COPS3: variants seen among roughly 807,000 people sequenced by gnomAD.
COPS3 encodes COP9 signalosome subunit 3.
COPS3 carries 10 observed loss-of-function variants against 58.2 expected under a neutral mutation model. The observed-to-expected ratio is 0.17, with a 90% CI of 0.11 to 0.29. The LOEUF (loss-of-function observed/expected upper bound fraction) is 0.29. Among genes scored for constraint, COPS3 ranks in the 10% least tolerant of loss-of-function variants. COPS3 has a pLI of 1.00. For missense variants in COPS3, 333 were observed against 510.1 expected (o/e 0.65, Z 3.34); for synonymous variants, 187 against 181.7 (o/e 1.03, Z -0.24).
chr17:17,255,064 G>A, intron 8 of COPS3, 119 bp from the exon 9 acceptor site: 1 of 632,366 alleles, frequency 1.6e-6, no homozygotes, highest in Non-Finnish European at 2.8e-6. Flanking sequence ...CACTTTGGGA[G>A]GCTGAGGTGG....
chr17:17,275,452 C>G (rs934962264), intron 2 of COPS3, among the ~76,000 whole-genome samples: 1 of 152,020 alleles, frequency 6.6e-6, no homozygotes, highest in African/African-American at 2.4e-5. Flanking sequence ...TACAGTGGCG[C>G]GACCTTGGCT....
At chr17:17,279,463 T>C (rs1332022444) in intron 1 of COPS3, among the ~76,000 whole-genome samples, 1 of 152,200 alleles carries the variant, frequency 6.6e-6, no homozygotes, top group African/African-American at 2.4e-5. Context: ...CAGTGGTTCC[T>C]TTATTCATAG....
intron 6 of COPS3, among the ~76,000 whole-genome samples, chr17:17,263,948 G>A (rs1423308907): frequency 6.6e-6 from 1 of 152,208 alleles, no homozygotes; most frequent in African/African-American, 2.4e-5. Context: ...TTCCGAATGC[G>A]TAGTCTTAAA....
chr17:17,273,908 C>T (rs1046245922), intron 2 of COPS3, among the ~76,000 whole-genome samples: 2 of 151,988 alleles, frequency 1.3e-5, no homozygotes, highest in African/African-American at 4.8e-5. Context: ...TCCCAGCTAC[C>T]CAGGAGGCTA....
At chr17:17,277,785 G>C (rs2078983348) in intron 1 of COPS3, among the ~76,000 whole-genome samples, 1 of 152,172 alleles carries the variant, frequency 6.6e-6, no homozygotes, top group South Asian at 2.1e-4. Context: ...GCCGGGTGCT[G>C]TGGCTCACAC....
intron 9 of COPS3, among the ~76,000 whole-genome samples, chr17:17,254,595 T>A (rs566060200): frequency 1.6e-3 from 236 of 151,210 alleles, no homozygotes; most frequent in African/African-American, 5.5e-3. Flanking sequence ...GCAGATCACG[T>A]GGTCAGGAGT....
At chr17:17,261,698 GAAAA>G (rs139813720) in intron 7 of COPS3, 4 of 362,562 alleles carry the variant, frequency 1.1e-5, no homozygotes, top group African/African-American at 2.3e-5. Flanking sequence ...TGTCTCTAGG[GAAAA>G]AAAAAAAAAT....
At chr17:17,280,852 A>G (rs2048567426) in intron 1 of COPS3, 7 of 1,177,956 alleles carry the variant, frequency 5.9e-6, no homozygotes, top group Non-Finnish European at 6.8e-6. Flanking sequence ...CCAAACTGTC[A>G]AGCAAAGCGC....
At chr17:17,255,428 G>A (rs1054632734) in intron 8 of COPS3, among the ~76,000 whole-genome samples, 3 of 150,494 alleles carry the variant, frequency 2.0e-5, no homozygotes, top group African/African-American at 7.4e-5. Context: ...GGAGGTTGCA[G>A]TGAGCTGAGA....
chr17:17,268,105 C>T lies in COPS3; in HGVS notation c.349-128G>A, dbSNP rs964232196. 7.9e-6 allele frequency: 10 copies of T among 1,263,454 alleles called. No homozygotes were observed. In the African/African-American group the frequency reaches 1.5e-4, roughly 19 times the overall value. The allele number at this position is 1,263,454 out of a possible 1,614,324, so 78.3% of individuals were successfully genotyped here. ...CCTTTAAATAGCAATATGAGGTTTC[C>T]ATACTCTTTCAGGAAATTTCTGTCC... On this transcript the variant is annotated intron_variant, in intron 4 of 11. Coordinates refer to ENST00000268717, the MANE Select transcript of COPS3 (RefSeq NM_003653.4).
chr17:17,260,447 C>T lies in COPS3; in HGVS notation c.790G>A (p.Ala264Thr). The T allele has an allele frequency of 1.2e-6, 2 of 1,614,094 alleles. No individual in the cohort carries two copies. The highest frequency in any genetic ancestry group is 1.7e-6 in the Non-Finnish European group (2 of 1,180,008). The change falls in exon 8 of 12, where the codon GCA (alanine) becomes ACA (threonine). Residue 264 changes from alanine (A) to threonine (T), a missense_variant. Coordinates refer to ENST00000268717, the MANE Select transcript of COPS3 (RefSeq NM_003653.4). ...KPLSNAYHEL[A>T]QVYSTNNPSE... is the part of the protein sequence containing the mutation. ...GGGTTGTTGGTTGAATACACTTGTG[C>T]TAACTCGTGGTATGCATTGCTAAGA...
chr17:17,261,352 A>G (rs911149721), intron 7 of COPS3, among the ~76,000 whole-genome samples: 1 of 151,788 alleles, frequency 6.6e-6, no homozygotes, highest in Non-Finnish European at 1.5e-5. Flanking sequence ...CGGTGAAACC[A>G]CATCTCCACT....
chr17:17,250,243 A>T (rs187648605), intron 9 of COPS3, among the ~76,000 whole-genome samples: 234 of 147,070 alleles, frequency 1.6e-3, no homozygotes, highest in African/African-American at 5.6e-3. Context: ...CTGAAATATA[A>T]CTTACATCGC....
At chr17:17,254,555 T>C (rs766495559) in intron 9 of COPS3, among the ~76,000 whole-genome samples, 17 of 152,158 alleles carry the variant, frequency 1.1e-4, no homozygotes, top group Non-Finnish European at 2.1e-4. Context: ...CTCATGCCTA[T>C]AATCCCAGCA....
intron 8 of COPS3, among the ~76,000 whole-genome samples, chr17:17,257,639 T>C (rs2048005381): frequency 6.7e-6 from 1 of 149,410 alleles, no homozygotes; most frequent in South Asian, 2.1e-4. Flanking sequence ...CTACTAAAAA[T>C]ACAAACAATT....
intron 2 of COPS3, 131 bp from the exon 3 acceptor site, chr17:17,271,139 T>G (rs2048331658): frequency 1.4e-6 from 1 of 732,664 alleles, no homozygotes; most frequent in African/African-American, 1.8e-5. Flanking sequence ...TTTTTTAGAA[T>G]TAAGAACTAG....
rs902681204 is a variant in COPS3 at position 17,280,061 on chromosome 17, T to C, written c.55+1071A>G. ...GGGCGGATCACTTCAGGTGAGGAGT[T>C]CGAAACCAGCTTGGCCAACATGGTA... On this transcript the variant is annotated intron_variant, in intron 1 of 11. Coordinates refer to ENST00000268717, the MANE Select transcript of COPS3 (RefSeq NM_003653.4). Among the ~76,000 whole-genome samples, 30 of 151,598 alleles carry C rather than the reference T, an allele frequency of 2.0e-4. 1 individual carries two copies. Among genetic ancestry groups the C allele is most frequent in the Admixed American group, 9.2e-4 (14 of 15,206 alleles).
chr17:17,267,327 CAAAAAAA>C (rs778325363), intron 5 of COPS3, among the ~76,000 whole-genome samples: 1 of 50,378 alleles, frequency 2.0e-5, no homozygotes, highest in African/African-American at 8.3e-5. Context: ...GACTCCGTCT[CAAAAAAA>C]AAAAAAAAAA....
chr17:17,261,991 G>A lies in COPS3; in HGVS notation c.737C>T (p.Ser246Phe), dbSNP rs746108127. ...CTTAATGAATCTACCCACAATTTGA[G>A]ATGTATATTTTGGTAGCTGTTGTAC... Reference protein sequence around the residue: ...GKVQQLPKYTSQIVGRFIKPL... With the variant: ...GKVQQLPKYTFQIVGRFIKPL... Residue 246 changes from serine (S) to phenylalanine (F), a missense_variant, in exon 7 of 12, where the codon TCT becomes TTT. Coordinates refer to ENST00000268717, the MANE Select transcript of COPS3 (RefSeq NM_003653.4). 1.9e-6 allele frequency: 3 copies of A among 1,591,322 alleles called. No homozygotes were observed. Among genetic ancestry groups the A allele is most frequent in the Non-Finnish European group, 2.6e-6 (3 of 1,167,198 alleles).
Sources: allele counts gnomAD v4.1 joint callset (sites outside exome capture counted in the v4.1 genomes callset), GRCh38; gene constraint gnomAD v4.1.1; transcripts MANE v1.5; gene names NCBI Gene and HGNC (gene_info 2026-07-23, HGNC 2026-07-21).